CRISPLD2: variants seen among roughly 807,000 people sequenced by gnomAD.
The protein encoded by CRISPLD2 is cysteine rich secretory protein LCCL domain containing 2.
CRISPLD2 carries 47 observed loss-of-function variants against 71.1 expected under a neutral mutation model. The ratio of observed to expected loss-of-function variants is 0.66; its 90% confidence interval spans 0.52 to 0.84. The LOEUF (loss-of-function observed/expected upper bound fraction) is 0.84. Ranked by LOEUF, CRISPLD2 falls within the 40% of genes least tolerant of loss-of-function variation. CRISPLD2 has a pLI of 0.00. For missense variants in CRISPLD2, 830 were observed against 651.1 expected, an observed-to-expected ratio of 1.27 and a Z score of -2.99; for synonymous variants, 317 against 250.1, an observed-to-expected ratio of 1.27 and a Z score of -2.52.
chr16:84,869,371 G>A (rs2071446054), intron 8 of CRISPLD2, among the ~76,000 whole-genome samples: 1 of 152,234 alleles, frequency 6.6e-6, no homozygotes, highest in South Asian at 2.1e-4. Flanking sequence ...CATTGGGAGA[G>A]GGGACCTTGC....
Position 84,873,943 on chromosome 16 carries a change from T to C in CRISPLD2, c.1136T>C (p.Phe379Ser). The change falls in exon 11 of 15, where the codon TTC becomes TCC. Residue 379 changes from phenylalanine (F) to serine (S), a missense_variant. Coordinates refer to ENST00000262424, the MANE Select transcript of CRISPLD2 (RefSeq NM_031476.4). ...AGCAAATACAAACCTTCCAGCTCAT[T>C]CATGGTGTCAAAAGTGAAAGGTAAG... ...SLSKYKPSSS[F>S]MVSKVKVQDL... 1 of 1,598,654 alleles carries C rather than the reference T, an allele frequency of 6.3e-7. No individual in the cohort carries two copies. Among genetic ancestry groups the C allele is most frequent in the Non-Finnish European group, 8.5e-7 (1 of 1,172,916 alleles).
Position 84,859,633 on chromosome 16 carries a change from C to G in CRISPLD2, c.709+4804C>G, listed in dbSNP as rs570866569. On this transcript the variant is annotated intron_variant, in intron 6 of 14. Coordinates refer to ENST00000262424, the MANE Select transcript of CRISPLD2 (RefSeq NM_031476.4). The stretch of plus-strand genomic sequence containing the variant: ...CTCTGTTTTTATAATTCAAATTAGT[C>G]TTTTGTCCACTCAATCTGGAAGTTT... Among the ~76,000 whole-genome samples the G allele has an allele frequency of 7.2e-5, 11 of 152,306 alleles. 1 individual carries two copies. The South Asian group carries it at 2.3e-3, about 32-fold the overall frequency.
chr16:84,879,489 C>T (rs913896393), intron 12 of CRISPLD2, among the ~76,000 whole-genome samples: 3 of 151,974 alleles, frequency 2.0e-5, no homozygotes, highest in East Asian at 1.9e-4. Flanking sequence ...CAGCGTCCCG[C>T]GTAGCTGGGA....
chr16:84,850,413 G>T (rs1917052610), intron 4 of CRISPLD2, among the ~76,000 whole-genome samples, 155 bp from the exon 5 acceptor site: 1 of 152,140 alleles, frequency 6.6e-6, no homozygotes, highest in African/African-American at 2.4e-5. Context: ...TTAAGAAAAT[G>T]TATGTATCTT....
chr16:84,877,819 C>T (rs564452214), intron 12 of CRISPLD2, among the ~76,000 whole-genome samples: 2 of 152,020 alleles, frequency 1.3e-5, no homozygotes, highest in Non-Finnish European at 2.9e-5. Flanking sequence ...CATTGTCCTC[C>T]AGCCTGGGTG....
At chr16:84,852,718 GGT>G (rs757568792) in intron 5 of CRISPLD2, among the ~76,000 whole-genome samples, 24 of 152,188 alleles carry the variant, frequency 1.6e-4, no homozygotes, top group Admixed American at 2.6e-4. Flanking sequence ...GGGTGGGGTG[GGT>G]GTGTACACAG....
rs76750289 is a variant in CRISPLD2, at chr16:84,880,494, C to T, written c.1230-15C>T. 2.2e-3 allele frequency: 3,498 copies of T among 1,608,288 alleles called. 41 individuals are homozygous for T. The East Asian group carries it at 0.032, about 15-fold the overall frequency. On this transcript the variant is annotated splice_polypyrimidine_tract_variant and intron_variant, in intron 12 of 14. Coordinates refer to ENST00000262424, the MANE Select transcript of CRISPLD2 (RefSeq NM_031476.4). The stretch of plus-strand genomic sequence containing the variant: ...TGTGCTCAGACCCATCACATAAATG[C>T]TTCCTGTTTTTCAGAATCCATTGTC...
intron 14 of CRISPLD2, among the ~76,000 whole-genome samples, chr16:84,900,904 A>G (rs1245987445): frequency 6.6e-6 from 1 of 151,648 alleles, no homozygotes; most frequent in East Asian, 1.9e-4. Flanking sequence ...ACGAAAATTA[A>G]CCAGGCATGG....
chr16:84,841,769 T>A (rs60791168), intron 2 of CRISPLD2, among the ~76,000 whole-genome samples: 1 of 152,092 alleles, frequency 6.6e-6, no homozygotes, highest in South Asian at 2.1e-4. Flanking sequence ...CTAATTTTTG[T>A]ATTTTTAGTA....
At chr16:84,858,377 C>T (rs896242176) in intron 6 of CRISPLD2, among the ~76,000 whole-genome samples, 1 of 152,186 alleles carries the variant, frequency 6.6e-6, no homozygotes, top group Non-Finnish European at 1.5e-5. Context: ...AATTGGCCCA[C>T]TAGGCGTTGT....
chr16:84,867,795 A>T (rs1917582399), intron 7 of CRISPLD2, among the ~76,000 whole-genome samples: 1 of 152,174 alleles, frequency 6.6e-6, no homozygotes, highest in South Asian at 2.1e-4. Context: ...GAATCCCCAA[A>T]ATATTGACTC....
intron 5 of CRISPLD2, among the ~76,000 whole-genome samples, chr16:84,853,410 G>A (rs971604648): frequency 6.6e-6 from 1 of 152,198 alleles, no homozygotes; most frequent in Non-Finnish European, 1.5e-5. Context: ...TGGCACGGAC[G>A]CGATCATTCT....
chr16:84,880,365 GT>G (rs945089928), intron 12 of CRISPLD2, 143 bp from the exon 13 acceptor site: 12 of 607,572 alleles, frequency 2.0e-5, no homozygotes, highest in Middle Eastern at 2.8e-4. Context: ...GAGAAGTATT[GT>G]TTTTTTTCTT....
At chr16:84,826,563 G>A (rs1916357135) in intron 1 of CRISPLD2, among the ~76,000 whole-genome samples, 1 of 152,182 alleles carries the variant, frequency 6.6e-6, no homozygotes, top group Non-Finnish European at 1.5e-5. Flanking sequence ...TCTCCCTCCT[G>A]CCCCAGGCCT....
chr16:84,820,872 TGGAGTGTGGG>T (rs1916215098), intron 1 of CRISPLD2, among the ~76,000 whole-genome samples: 1 of 152,082 alleles, frequency 6.6e-6, no homozygotes. Flanking sequence ...GGGCTCACTC[TGGAGTGTGGG>T]GGAGATCGGT....
chr16:84,871,076 A>G (rs1204818379), intron 8 of CRISPLD2, among the ~76,000 whole-genome samples: 1 of 150,450 alleles, frequency 6.6e-6, no homozygotes, highest in East Asian at 1.9e-4. Context: ...AAAATGATAA[A>G]TAAATAGTTG....
At chr16:84,833,502 G>A (rs1219248567) in intron 1 of CRISPLD2, among the ~76,000 whole-genome samples, 1 of 152,208 alleles carries the variant, frequency 6.6e-6, no homozygotes, top group African/African-American at 2.4e-5. Flanking sequence ...AGTGGCGCAT[G>A]CACCCGGCCC....
chr16:84,869,800 T>C (rs978665308), intron 8 of CRISPLD2, among the ~76,000 whole-genome samples: 1 of 152,290 alleles, frequency 6.6e-6, no homozygotes, highest in Non-Finnish European at 1.5e-5. Flanking sequence ...GTTGTCCTTT[T>C]GTGGCAACGC....
chr16:84,856,430 C>G (rs144208343), intron 6 of CRISPLD2, among the ~76,000 whole-genome samples: 1 of 152,140 alleles, frequency 6.6e-6, no homozygotes, highest in African/African-American at 2.4e-5. Context: ...ACCTTAACTT[C>G]CAGTTTAATG....
Sources: gnomAD v4.1 joint callset for allele counts (sites outside exome capture counted in the v4.1 genomes callset) on GRCh38, gnomAD v4.1.1 for gene constraint, MANE v1.5 for transcripts, NCBI Gene and HGNC (gene_info 2026-07-23, HGNC 2026-07-21) for gene names.